ERC2: variants seen among roughly 807,000 people sequenced by gnomAD.
The protein encoded by ERC2 is ERC protein 2.
In ERC2, 42 loss-of-function variants were observed where a neutral mutation model predicts 114.8. That is an observed-to-expected ratio of 0.37 (90% CI 0.29 to 0.47). ERC2 has a LOEUF of 0.47. Ranked by LOEUF, ERC2 falls within the 20% of genes least tolerant of loss-of-function variation. ERC2 has a pLI of 0.99. For synonymous variants in ERC2, 454 were observed against 425.5 expected, an observed-to-expected ratio of 1.07 and a Z score of -0.82; for missense variants, 939 against 1,150.7, an observed-to-expected ratio of 0.82 and a Z score of 2.66.
chr3:56,334,648 A>G (rs1474266828), intron 2 of ERC2, among the ~76,000 whole-genome samples: 1 of 152,244 alleles, frequency 6.6e-6, no homozygotes, highest in Non-Finnish European at 1.5e-5. Context: ...GGGCAAGACC[A>G]TGCCTGATAA....
At chr3:55,833,277 C>T (rs1357554377) in intron 14 of ERC2, among the ~76,000 whole-genome samples, 94 of 150,212 alleles carry the variant, frequency 6.3e-4, no homozygotes, top group African/African-American at 2.1e-3. Context: ...AGATACTCCT[C>T]GAGAAGAGCA....
chr3:56,259,378 G>A (rs987804446), intron 3 of ERC2, among the ~76,000 whole-genome samples: 1 of 151,922 alleles, frequency 6.6e-6, no homozygotes, highest in African/African-American at 2.4e-5. Flanking sequence ...AATTCTATAG[G>A]TCAACCCGCC....
At position 56,134,914 on chromosome 3, in the gene ERC2, TTTTTTGTTTTTTTTTG is replaced by T. The variant is rs1391646646; in HGVS notation, c.1473+4579_1473+4594del. Among the ~76,000 whole-genome samples, 540 of 108,124 alleles carry T rather than the reference TTTTTTGTTTTTTTTTG, an allele frequency of 5.0e-3. 5 individuals are homozygous for T. Among genetic ancestry groups the T allele is most frequent in the African/African-American group, 0.016 (503 of 31,158 alleles). The allele number at this position is 108,124 out of a possible 152,430, so 70.9% of individuals were successfully genotyped here. A position where few individuals can be genotyped will look rare whatever the true frequency, so the allele number is the denominator to read the frequency against. On this transcript the variant is annotated intron_variant, in intron 6 of 17. Transcript: ENST00000288221. ...AAATCAGAAATAAATCTCTCTCTTT[TTTTTTGTTTTTTTTTG>T]TTTTTGTTTTTGTTTTTGTTTTTGT...
At chr3:56,009,427 C>T (rs1047185575) in intron 9 of ERC2, among the ~76,000 whole-genome samples, 12 of 152,200 alleles carry the variant, frequency 7.9e-5, no homozygotes, top group African/African-American at 2.7e-4. Flanking sequence ...CGAAACTCCT[C>T]TTACTCATCC....
At chr3:56,263,437 A>G (rs2053081881) in intron 3 of ERC2, among the ~76,000 whole-genome samples, 1 of 151,828 alleles carries the variant, frequency 6.6e-6, no homozygotes, top group South Asian at 2.1e-4. Flanking sequence ...GCACCAACCC[A>G]TCTGTCATCT....
intron 7 of ERC2, among the ~76,000 whole-genome samples, chr3:56,049,290 G>T (rs1203566104): frequency 6.6e-6 from 1 of 152,020 alleles, no homozygotes; most frequent in Non-Finnish European, 1.5e-5. Context: ...AGCCAAGCAG[G>T]CGAGATTTCT....
intron 2 of ERC2, among the ~76,000 whole-genome samples, chr3:56,343,186 T>TCACACACACA (rs1222760029): frequency 4.0e-4 from 6 of 15,014 alleles, no homozygotes; most frequent in Non-Finnish European, 6.7e-4. Flanking sequence ...TCTCTCTCTC[T>TCACACACACA]CTCTCTCACA....
At chr3:56,125,961 T>C (rs1266006957) in intron 6 of ERC2, among the ~76,000 whole-genome samples, 4 of 152,174 alleles carry the variant, frequency 2.6e-5, no homozygotes, top group Non-Finnish European at 5.9e-5. Context: ...TATATAAATA[T>C]CAAACATCGA....
At chr3:55,523,898 G>T (rs761872129) in intron 17 of ERC2, among the ~76,000 whole-genome samples, 1 of 152,204 alleles carries the variant, frequency 6.6e-6, no homozygotes, top group Non-Finnish European at 1.5e-5. Flanking sequence ...ATTTGTTGCT[G>T]CCATAAGCAC....
At chr3:56,062,334 G>A (rs2076277663) in intron 7 of ERC2, among the ~76,000 whole-genome samples, 1 of 152,168 alleles carries the variant, frequency 6.6e-6, no homozygotes, top group South Asian at 2.1e-4. Flanking sequence ...AAGATCTGGT[G>A]TGAATTTTCT....
chr3:56,233,838 C>T (rs62253585), intron 3 of ERC2, among the ~76,000 whole-genome samples: 1 of 152,150 alleles, frequency 6.6e-6, no homozygotes, highest in African/African-American at 2.4e-5. Flanking sequence ...TCACATCAAT[C>T]TGACCTCTGT....
Position 56,139,222 on chromosome 3 carries a change from A to G in ERC2, c.1473+287T>C, listed in dbSNP as rs2080703054. 2.0e-5 allele frequency among the ~76,000 whole-genome samples: 3 copies of G among 152,336 alleles called. No homozygotes were observed. The South Asian group carries it at 6.2e-4, about 32-fold the overall frequency. On this transcript the variant is annotated intron_variant, in intron 6 of 17. Coordinates refer to ENST00000288221, the MANE Select transcript of ERC2 (RefSeq NM_015576.3). Reference sequence around the variant, plus strand: ...GTGGCACAACTTGACACAAACTGACAAGAGTCTAATTATACAGTCTTTATT... The same window carrying G: ...GTGGCACAACTTGACACAAACTGACGAGAGTCTAATTATACAGTCTTTATT...
intron 2 of ERC2, among the ~76,000 whole-genome samples, chr3:56,414,014 G>A (rs2061044816): frequency 1.3e-5 from 2 of 152,200 alleles, no homozygotes; most frequent in South Asian, 2.1e-4. Context: ...CTTAGGAAAG[G>A]CAGGGTTGGG....
chr3:55,691,881 A>C (rs1255329316), intron 16 of ERC2, among the ~76,000 whole-genome samples: 1 of 152,082 alleles, frequency 6.6e-6, no homozygotes, highest in Non-Finnish European at 1.5e-5. Flanking sequence ...TAGGGAGAGA[A>C]GTTTCTAGCT....
chr3:56,429,724 G>A (rs747807203), intron 2 of ERC2, among the ~76,000 whole-genome samples: 4 of 152,216 alleles, frequency 2.6e-5, no homozygotes, highest in Non-Finnish European at 5.9e-5. Context: ...CTGGGTGGAG[G>A]AGAAGTGGGA....
Position 56,448,325 on chromosome 3 carries a change from T to A in ERC2, c.-140-13178A>T, listed in dbSNP as rs368295633. On this transcript the variant is annotated intron_variant, in intron 1 of 17. Transcript: ENST00000288221. ...AGTACAAATGGATGCCCAGATACCA[T>A]GTGCCTATACATTTAAAGTTATAAA... is the stretch of plus-strand genomic sequence containing the variant. 4.6e-5 allele frequency among the ~76,000 whole-genome samples: 7 copies of A among 152,346 alleles called. No homozygotes were observed. The South Asian group carries it at 1.4e-3, about 32-fold the overall frequency.
chr3:56,017,958 C>T (rs751315736), intron 8 of ERC2, among the ~76,000 whole-genome samples: 4 of 152,102 alleles, frequency 2.6e-5, no homozygotes, highest in African/African-American at 4.8e-5. Context: ...ATAACACACA[C>T]ATAGCATATG....
chr3:55,810,898 C>G (rs137865457), intron 14 of ERC2, among the ~76,000 whole-genome samples: 1 of 152,080 alleles, frequency 6.6e-6, no homozygotes, highest in African/African-American at 2.4e-5. Flanking sequence ...ATCCATGTAC[C>G]TAGATCTTTA....
chr3:56,457,767 A>G (rs1432268080), intron 1 of ERC2, among the ~76,000 whole-genome samples: 2 of 152,084 alleles, frequency 1.3e-5, no homozygotes, highest in African/African-American at 4.8e-5. Flanking sequence ...CTTTGGACCT[A>G]GTGCATGCTA....
Sources: allele counts gnomAD v4.1 joint callset (sites outside exome capture counted in the v4.1 genomes callset), GRCh38; gene constraint gnomAD v4.1.1; transcripts MANE v1.5; gene names NCBI Gene and HGNC (gene_info 2026-07-23, HGNC 2026-07-21).